Variants in SLC45A4 observed in about 807,000 individuals in gnomAD.
SLC45A4 encodes solute carrier family 45 member 4.
A neutral mutation model predicts 63.7 loss-of-function variants in SLC45A4; 32 were observed. The ratio of observed to expected loss-of-function variants is 0.50; its 90% CI spans 0.38 to 0.67. The LOEUF is 0.67. Ranked by LOEUF, SLC45A4 falls within the 30% of genes least tolerant of loss-of-function variation. The pLI is 0.00. For synonymous variants in SLC45A4, 535 were observed against 510.0 expected (o/e 1.05, Z -0.66); for missense variants, 1,027 against 1,157.7 (o/e 0.89, Z 1.64).
chr8:141,223,873 C>G (rs1569558150), intron 2 of SLC45A4, among the ~76,000 whole-genome samples: 1 of 152,234 alleles, frequency 6.6e-6, no homozygotes, highest in Non-Finnish European at 1.5e-5. Context: ...ACCTGTGACC[C>G]ACAGAGGGCT....
chr8:141,261,175 A>G (rs1246163356), intron 1 of SLC45A4, among the ~76,000 whole-genome samples: 1 of 152,128 alleles, frequency 6.6e-6, no homozygotes, highest in Non-Finnish European at 1.5e-5. Flanking sequence ...AAATTCAACA[A>G]CCCTTCATGC....
Position 141,218,422 on chromosome 8 carries a change from C to T in SLC45A4, c.1218G>A (p.Ser406=), listed in dbSNP as rs771261958. 1.1e-5 allele frequency: 17 copies of T among 1,611,304 alleles called. No homozygotes were observed. The highest frequency in any genetic ancestry group is 9.3e-5 in the African/African-American group (7 of 74,936). The change falls in exon 5 of 9, where the codon TCG becomes TCA. Residue 406 remains serine, a synonymous_variant. Coordinates refer to ENST00000517878, the MANE Select transcript of SLC45A4 (RefSeq NM_001286646.2). ...GGYTRVDTKP[S]ATSSSMRRRR... ...GCCGCCGCATGGAGCTCGACGTGGC[C>T]GAGGGCTTCGTGTCCACCCTGGTGT...
intron 8 of SLC45A4, 183 bp downstream of exon 8, chr8:141,212,014 C>T: frequency 1.5e-6 from 2 of 1,318,584 alleles, no homozygotes; most frequent in Non-Finnish European, 1.9e-6. Context: ...TAGCTCAAAC[C>T]TACCCTACGA....
At chr8:141,221,878 C>T in intron 2 of SLC45A4, 113 bp from the exon 3 acceptor site, 3 of 1,106,932 alleles carry the variant, frequency 2.7e-6, no homozygotes, top group Non-Finnish European at 3.9e-6. Context: ...CGCATGCGCA[C>T]ATCCCCTGCT....
chr8:141,254,841 G>C lies in SLC45A4; in HGVS notation c.-400-212C>G, dbSNP rs954165625. ...TTCTCATACGAAAGTGAATCCTGGG[G>C]AAGGACAAAGGTGGGGCAATCAAGG... On this transcript the variant is annotated intron_variant, in intron 1 of 8. Transcript: ENST00000517878. The surrounding 1 kb of genome is among the most constrained non-coding windows in gnomAD (Gnocchi z 4.5). The C allele has an allele frequency of 4.2e-5, 20 of 472,748 alleles. No individual in the cohort carries two copies. Among genetic ancestry groups the C allele is most frequent in the Non-Finnish European group, 2.1e-5 (5 of 243,840 alleles). 29.3% of individuals were successfully genotyped at this position (472,748 alleles called of 1,614,324 possible). A position where few individuals can be genotyped will look rare whatever the true frequency, so the allele number is the denominator to read the frequency against.
intron 1 of SLC45A4, among the ~76,000 whole-genome samples, chr8:141,301,816 G>C (rs1316788568): frequency 7.1e-6 from 1 of 141,730 alleles, no homozygotes; most frequent in Non-Finnish European, 1.5e-5. Context: ...ATAAAAACTA[G>C]CTGGGCATGA....
intron 1 of SLC45A4, among the ~76,000 whole-genome samples, chr8:141,264,422 A>G (rs1017468207): frequency 6.6e-6 from 1 of 152,152 alleles, no homozygotes; most frequent in Admixed American, 6.5e-5. Context: ...GGAGGCAGAG[A>G]GGCTGCCGGG....
In SLC45A4 at chr8:141,228,527, G is replaced by A. The variant is rs937793482; in HGVS notation, c.242-6762C>T. On this transcript the variant is annotated intron_variant, in intron 2 of 8. Coordinates refer to ENST00000517878, the MANE Select transcript of SLC45A4 (RefSeq NM_001286646.2). ...CCTGTCTTCACTGGCCAGCTCCTCG[G>A]GCAGGCACTCCCCGCAGCTGGAGCA... is the stretch of plus-strand genomic sequence containing the variant. The A allele has an allele frequency of 2.3e-5, 30 of 1,293,706 alleles. No homozygotes were observed. The African/African-American group carries it at 4.3e-4, about 19-fold the overall frequency. 80.1% of individuals were successfully genotyped at this position (1,293,706 alleles called of 1,614,324 possible).
At chr8:141,302,701 A>C (rs1028523202) in intron 1 of SLC45A4, among the ~76,000 whole-genome samples, 1 of 152,152 alleles carries the variant, frequency 6.6e-6, no homozygotes, top group Non-Finnish European at 1.5e-5. Flanking sequence ...TGTAACTCTA[A>C]AACATTCCTA....
intron 2 of SLC45A4, chr8:141,226,041 C>G (rs910590446): frequency 6.5e-6 from 1 of 152,796 alleles, no homozygotes; most frequent in Non-Finnish European, 1.5e-5. Flanking sequence ...GCCTTGGGAC[C>G]CAGGTCAGCC....
intron 1 of SLC45A4, among the ~76,000 whole-genome samples, chr8:141,294,841 C>T (rs967600723): frequency 3.9e-5 from 6 of 152,226 alleles, no homozygotes; most frequent in African/African-American, 1.4e-4. Flanking sequence ...TTGCAGAGCC[C>T]ACCAAGGGCC....
chr8:141,306,208 A>T (rs4961358), intron 1 of SLC45A4, among the ~76,000 whole-genome samples: 1,728 of 152,298 alleles, frequency 0.011, 17 homozygotes, highest in Non-Finnish European at 0.015. Context: ...CAGCCTCCCC[A>T]CTCCCCGCCC....
intron 1 of SLC45A4, among the ~76,000 whole-genome samples, chr8:141,275,072 C>A (rs201932907): frequency 1.3e-5 from 2 of 152,332 alleles, no homozygotes; most frequent in Admixed American, 6.5e-5. Context: ...CTCTGAATTC[C>A]GCCAACCACA....
rs751014358 is a variant in SLC45A4 at position 141,217,116 on chromosome 8, T to A, written c.1703A>T (p.Tyr568Phe). The A allele has an allele frequency of 1.2e-6, 2 of 1,613,856 alleles. No individual in the cohort carries two copies. ...TGAACAAATAGCACCAGTGGCGGCA[T>A]AAATGACCAGGCCCCAGCAGCCCAT... ...VKMGCWGLVI[Y>F]AATGAICSAL... is the part of the protein sequence containing the mutation. The change falls in exon 6 of 9, where the codon TAT (tyrosine) becomes TTT (phenylalanine). Residue 568 changes from tyrosine to phenylalanine, a missense_variant. Coordinates refer to ENST00000517878, the MANE Select transcript of SLC45A4 (RefSeq NM_001286646.2).
rs1384360946 is a variant in SLC45A4 at position 141,207,702 on chromosome 8, C to G, written c.*3870G>C. On this transcript the variant is annotated 3_prime_UTR_variant, in exon 9 of 9. Transcript: ENST00000517878. ...ACAGAGCGACGTGCCCCTGGCAGCACTGTGGAGGGCAAGGGATGCCGCTAG... is the reference window on the plus strand; with the variant it reads ...ACAGAGCGACGTGCCCCTGGCAGCAGTGTGGAGGGCAAGGGATGCCGCTAG... The G allele has an allele frequency of 6.6e-6, 1 of 152,252 alleles. No individual in the cohort carries two copies. The highest frequency in any genetic ancestry group is 1.5e-5 in the Non-Finnish European group (1 of 68,062). 9.4% of individuals were successfully genotyped at this position (152,252 alleles called of 1,614,324 possible). A position where few individuals can be genotyped will look rare whatever the true frequency, so the allele number is the denominator to read the frequency against.
rs142298389 is a variant in SLC45A4 at position 141,244,124 on chromosome 8, T to G, written c.241+9865A>C. 2.6e-3 allele frequency among the ~76,000 whole-genome samples: 394 copies of G among 152,208 alleles called. 1 individual carries two copies. The highest frequency in any genetic ancestry group is 0.01 in the Middle Eastern group (3 of 294). On this transcript the variant is annotated intron_variant, in intron 2 of 8. Transcript: ENST00000517878. The stretch of plus-strand genomic sequence containing the variant: ...GCTACTTGGGAGACTGCGCCCCTAT[T>G]CTTCATGGTGCGCTCCGCCTGTCCT...
Position 141,253,150 on chromosome 8 carries a change from A to AGTGT in SLC45A4, c.241+838_241+839insACAC, listed in dbSNP as rs201553075. The AGTGT allele has an allele frequency of 3.5e-4, 24 of 68,598 alleles. 5 individuals carry two copies. Among genetic ancestry groups the AGTGT allele is most frequent in the Admixed American group, 8.9e-4 (5 of 5,636 alleles). The allele number at this position is 68,598 out of a possible 1,614,324, so 4.2% of individuals were successfully genotyped here. On this transcript the variant is annotated intron_variant, in intron 2 of 8. Transcript: ENST00000517878. ...TTCCGTGTTTTCACGCCCACCTGCA[A>AGTGT]GTCTATGAATTTCCGTGTTTTCATG... is the stretch of plus-strand genomic sequence containing the variant.
chr8:141,291,335 G>GTTCATCTAACTGGACACACACA (rs1563678423), intron 1 of SLC45A4, among the ~76,000 whole-genome samples: 2 of 152,208 alleles, frequency 1.3e-5, no homozygotes, highest in African/African-American at 4.8e-5. Context: ...GGACACACAC[G>GTTCATCTAACTGGACACACACA]CGTTCATCTA....
chr8:141,232,502 A>C (rs1157458279), intron 2 of SLC45A4, among the ~76,000 whole-genome samples: 1 of 152,238 alleles, frequency 6.6e-6, no homozygotes, highest in Non-Finnish European at 1.5e-5. Flanking sequence ...CTGCTGCTGC[A>C]ACATGAACGC....
Sources: gnomAD v4.1 joint callset for allele counts (sites outside exome capture counted in the v4.1 genomes callset) on GRCh38, gnomAD v4.1.1 for gene constraint, Gnocchi (gnomAD v3.1) non-coding constraint, MANE v1.5 for transcripts, NCBI Gene and HGNC (gene_info 2026-07-23, HGNC 2026-07-21) for gene names.